DNAH14: variants seen among roughly 807,000 people sequenced by gnomAD.
DNAH14 encodes the protein dynein axonemal heavy chain 14.
DNAH14 carries 478 observed loss-of-function variants against 520.9 expected under a neutral mutation model. That is an observed-to-expected ratio of 0.92 (90% confidence interval 0.85 to 0.99). The LOEUF is 0.99. Ranked by LOEUF, DNAH14 falls within the 50% of genes least tolerant of loss-of-function variation. The pLI is 0.00. For synonymous variants in DNAH14, 1,581 were observed against 1,757.2 expected, an observed-to-expected ratio of 0.90 and a Z score of 2.51; for missense variants, 4,831 against 5,234.5, an observed-to-expected ratio of 0.92 and a Z score of 2.38.
rs2095782533 is a variant in DNAH14 at position 225,381,458 on chromosome 1, T to TA, written c.12956_12957insA (p.Phe4319LeufsTer5). The TA allele has an allele frequency of 6.4e-7, 1 of 1,550,550 alleles. No homozygotes were observed. Among genetic ancestry groups the TA allele is most frequent in the Non-Finnish European group, 8.7e-7 (1 of 1,146,742 alleles). On this transcript the variant is annotated frameshift_variant, in exon 81 of 86. Transcript: ENST00000682510. LOFTEE classifies it high-confidence loss of function. ...ATTAAACGATTTGATAAGTTATTATTTGTCATACATAAATCCTTAAAAGAT... is the reference window on the plus strand; with the variant it reads ...ATTAAACGATTTGATAAGTTATTATTATGTCATACATAAATCCTTAAAAGAT...
At chr1:224,982,809 G>A (rs2125703855) in intron 8 of DNAH14, among the ~76,000 whole-genome samples, 1 of 152,300 alleles carries the variant, frequency 6.6e-6, no homozygotes, top group Middle Eastern at 3.4e-3. Flanking sequence ...ACTGTGGTCT[G>A]AGAAAGTGGT....
chr1:224,960,980 C>T (rs2060808186), intron 4 of DNAH14: 3 of 152,150 alleles, frequency 2.0e-5, no homozygotes, highest in African/African-American at 7.2e-5. Context: ...GTATAATTCT[C>T]TCCCCTTGAA....
chr1:225,052,022 C>A (rs2068586604), intron 17 of DNAH14, among the ~76,000 whole-genome samples: 1 of 152,180 alleles, frequency 6.6e-6, no homozygotes, highest in African/African-American at 2.4e-5. Flanking sequence ...TCTCTGATCA[C>A]ATCTATTGCA....
At chr1:224,990,417 T>C (rs1336389553) in intron 8 of DNAH14, among the ~76,000 whole-genome samples, 6 of 152,154 alleles carry the variant, frequency 3.9e-5, no homozygotes, top group African/African-American at 1.4e-4. Flanking sequence ...AAACAACAAC[T>C]TATTCTTCCC....
intron 26 of DNAH14, among the ~76,000 whole-genome samples, chr1:225,122,926 T>C (rs997735784): frequency 6.6e-6 from 1 of 152,114 alleles, no homozygotes; most frequent in Admixed American, 6.5e-5. Context: ...TAAAATGAAA[T>C]TTAGTGTTGA....
At chr1:224,961,314 CTG>C (rs2060831005) in intron 4 of DNAH14, 1 of 152,148 alleles carries the variant, frequency 6.6e-6, no homozygotes, top group African/African-American at 2.4e-5. Flanking sequence ...CCCACAGAAA[CTG>C]TGAGATAGTA....
At chr1:224,931,857 G>A (rs142102389) in intron 1 of DNAH14, among the ~76,000 whole-genome samples, 1 of 152,090 alleles carries the variant, frequency 6.6e-6, no homozygotes, top group Non-Finnish European at 1.5e-5. Context: ...TTCATCCATC[G>A]ATGGGCACTT....
Position 225,259,349 on chromosome 1 carries a change from A to G in DNAH14, c.7157+96A>G, listed in dbSNP as rs906527871. ...TGTTTTTAAAAAAAGCAAATCTGTT[A>G]TGTAAAAATGCAGAATCATTCAAAA... is the stretch of plus-strand genomic sequence containing the variant. On this transcript the variant is annotated intron_variant, in intron 46 of 85. Coordinates refer to ENST00000682510, the MANE Select transcript of DNAH14 (RefSeq NM_001367479.1). 26 of 884,792 alleles carry G rather than the reference A, an allele frequency of 2.9e-5. No individual in the cohort carries two copies. The African/African-American group carries it at 4.4e-4, about 15-fold the overall frequency. The allele number at this position is 884,792 out of a possible 1,614,324, so 54.8% of individuals were successfully genotyped here. A position where few individuals can be genotyped will look rare whatever the true frequency, so the allele number is the denominator to read the frequency against.
At chr1:225,372,498 A>C (rs534925645) in intron 77 of DNAH14, among the ~76,000 whole-genome samples, 1 of 152,356 alleles carries the variant, frequency 6.6e-6, no homozygotes, top group Non-Finnish European at 1.5e-5. Context: ...AAAGTAAATG[A>C]TACTGGCACA....
At chr1:225,272,154 A>C in intron 51 of DNAH14, 81 bp downstream of exon 51, 1 of 1,291,024 alleles carries the variant, frequency 7.7e-7, no homozygotes, top group Non-Finnish European at 1.1e-6. Flanking sequence ...AGATTGTTAG[A>C]AGGGGAAAAA....
intron 7 of DNAH14, among the ~76,000 whole-genome samples, chr1:224,971,790 G>A (rs994935946): frequency 6.6e-6 from 1 of 152,078 alleles, no homozygotes; most frequent in Admixed American, 6.6e-5. Context: ...GAATGAAGTT[G>A]GTAGGAAATG....
chr1:224,957,258 T>A (rs2060576364), intron 3 of DNAH14, among the ~76,000 whole-genome samples: 2 of 152,018 alleles, frequency 1.3e-5, no homozygotes, highest in Non-Finnish European at 2.9e-5. Context: ...AGTGGTCCCA[T>A]TCACTAAGAC....
rs1212214266 is a variant in DNAH14 at position 225,333,371 on chromosome 1, C to T, written c.9945C>T (p.Cys3315=). 1.9e-6 allele frequency: 3 copies of T among 1,551,602 alleles called. No individual in the cohort carries two copies. Among genetic ancestry groups the T allele is most frequent in the South Asian group, 1.2e-5 (1 of 84,052 alleles). Residue 3315 remains cysteine (C), a synonymous_variant, in exon 66 of 86, where the codon TGC becomes TGT. Transcript: ENST00000682510. ...GTGACATACTTCTTTCAGCAGCGTG[C>T]ATTGTCTACAGTGGAATTTTAACAC... is the stretch of plus-strand genomic sequence containing the variant. ...ILGDILLSAA[C]IVYSGILTPE...
intron 17 of DNAH14, among the ~76,000 whole-genome samples, chr1:225,077,066 T>C (rs968490341): frequency 1.3e-5 from 2 of 152,204 alleles, no homozygotes; most frequent in Non-Finnish European, 2.9e-5. Context: ...TTCTCACTCA[T>C]AGGTGGGAAT....
intron 81 of DNAH14, among the ~76,000 whole-genome samples, chr1:225,382,693 A>T (rs761827468): frequency 2.6e-5 from 4 of 152,008 alleles, no homozygotes; most frequent in Non-Finnish European, 5.9e-5. Context: ...CAGCCTGGGC[A>T]ACAGAGGGAC....
In DNAH14 at chr1:225,351,842, A is replaced by G. The variant is rs1324258552; in HGVS notation, c.11492A>G (p.Glu3831Gly). The change falls in exon 72 of 86, where the codon GAA becomes GGA. Residue 3831 changes from glutamate (E) to glycine (G), a missense_variant. Transcript: ENST00000682510. ...CTGATCAGCACACCTTTCTCTTCAG[A>G]AAATGCTTCATTGGAGGAAAATACA... ...YSLISTPFSS[E>G]NASLEENTKP... 5.8e-6 allele frequency: 9 copies of G among 1,551,240 alleles called. No homozygotes were observed. The highest frequency in any genetic ancestry group is 7.8e-6 in the Non-Finnish European group (9 of 1,146,706).
intron 17 of DNAH14, among the ~76,000 whole-genome samples, chr1:225,056,779 A>T (rs1202281487): frequency 6.6e-6 from 1 of 152,146 alleles, no homozygotes. Context: ...ACCATTTATT[A>T]AATAGGGAAT....
At chr1:225,397,287 T>C (rs1269136125) in intron 84 of DNAH14, 2 of 152,354 alleles carry the variant, frequency 1.3e-5, no homozygotes, top group Non-Finnish European at 2.9e-5. Context: ...AAAATTCTTT[T>C]ATAGAATAAG....
At chr1:225,260,293 A>C (rs1049350889) in intron 46 of DNAH14, among the ~76,000 whole-genome samples, 5 of 151,534 alleles carry the variant, frequency 3.3e-5, no homozygotes, top group Admixed American at 2.6e-4. Flanking sequence ...TGGAGGTTGC[A>C]GTGAGCCAAG....
Sources: allele counts gnomAD v4.1 joint callset (sites outside exome capture counted in the v4.1 genomes callset), GRCh38; gene constraint gnomAD v4.1.1; transcripts MANE v1.5; gene names NCBI Gene and HGNC (gene_info 2026-07-23, HGNC 2026-07-21).